The following ARB2A variants were observed in gnomAD, a reference collection of about 807,000 sequenced individuals.
The protein encoded by ARB2A is cotranscriptional regulator ARB2A.
the ARB2A span, among the ~76,000 whole-genome samples, chr5:93,680,222 T>C: frequency 1.3e-5 from 2 of 152,118 alleles, no homozygotes; most frequent in Non-Finnish European, 2.9e-5. Flanking sequence ...TAAGTATAAA[T>C]ATAAAGAAGT....
At chr5:93,718,661 A>G in the ARB2A span, among the ~76,000 whole-genome samples, 2 of 152,338 alleles carry the variant, frequency 1.3e-5, no homozygotes, top group South Asian at 4.1e-4. Context: ...TGAAAGACTT[A>G]TCACTTCTGA....
the ARB2A span, among the ~76,000 whole-genome samples, chr5:93,810,935 A>G: frequency 6.6e-6 from 1 of 152,078 alleles, no homozygotes; most frequent in Non-Finnish European, 1.5e-5. Context: ...CTCATATGTA[A>G]ACTGAGGATA....
At chr5:94,012,218 C>A in the ARB2A span, among the ~76,000 whole-genome samples, 10 of 152,262 alleles carry the variant, frequency 6.6e-5, no homozygotes, top group Admixed American at 2.0e-4. Context: ...CTGGCTAACA[C>A]GGTGAAACCC....
the ARB2A span, chr5:93,865,487 A>G: frequency 1.0e-6 from 1 of 985,248 alleles, no homozygotes; most frequent in Non-Finnish European, 1.2e-6. Context: ...AGGTATACTA[A>G]GACAATGTAA....
chr5:93,705,879 T>C, the ARB2A span, among the ~76,000 whole-genome samples: 1 of 152,114 alleles, frequency 6.6e-6, no homozygotes, highest in African/African-American at 2.4e-5. Flanking sequence ...TGCTAAATTT[T>C]TAAATGGGGG....
chr5:94,104,230 G>C, the ARB2A span, among the ~76,000 whole-genome samples: 1 of 150,746 alleles, frequency 6.6e-6, no homozygotes, highest in Non-Finnish European at 1.5e-5. Flanking sequence ...TTCTCTGAAA[G>C]AATAAATAAG....
the ARB2A span, among the ~76,000 whole-genome samples, chr5:93,970,333 G>T: frequency 3.3e-5 from 5 of 152,050 alleles, no homozygotes; most frequent in East Asian, 9.7e-4. Context: ...AACTCTAAAA[G>T]ATTTAAATAT....
At chr5:93,813,054 A>G in the ARB2A span, among the ~76,000 whole-genome samples, 1 of 152,174 alleles carries the variant, frequency 6.6e-6, no homozygotes, top group African/African-American at 2.4e-5. Context: ...AAGGCCCTCA[A>G]TGAATCCCAA....
At chr5:93,787,965 G>T in the ARB2A span, among the ~76,000 whole-genome samples, 1 of 152,130 alleles carries the variant, frequency 6.6e-6, no homozygotes, top group South Asian at 2.1e-4. Flanking sequence ...ACAAAAAAAT[G>T]TGGCCCTGTT....
the ARB2A span, among the ~76,000 whole-genome samples, chr5:94,049,057 A>G: frequency 6.6e-6 from 1 of 152,238 alleles, no homozygotes; most frequent in African/African-American, 2.4e-5. Flanking sequence ...AAAAAGGAAT[A>G]CAGAAATTTC....
chr5:94,061,481 A>C, the ARB2A span, among the ~76,000 whole-genome samples: 1 of 152,186 alleles, frequency 6.6e-6, no homozygotes, highest in Non-Finnish European at 1.5e-5. Context: ...AGAAAAATAA[A>C]AGGCACATAG....
chr5:93,824,908 A>G, the ARB2A span, among the ~76,000 whole-genome samples: 1 of 152,262 alleles, frequency 6.6e-6, no homozygotes, highest in Non-Finnish European at 1.5e-5. Flanking sequence ...CTAGAAAGTC[A>G]GTAAGCAAAA....
the ARB2A span, among the ~76,000 whole-genome samples, chr5:93,687,287 T>C: frequency 6.6e-6 from 1 of 152,194 alleles, no homozygotes; most frequent in Non-Finnish European, 1.5e-5. Context: ...AAGACATAAA[T>C]GTAAACTTGT....
chr5:94,055,716 T>G, the ARB2A span: 2 of 985,464 alleles, frequency 2.0e-6, no homozygotes, highest in Non-Finnish European at 2.4e-6. Context: ...AAAAATTGAC[T>G]TGCAGTAGCC....
At chr5:93,782,035 A>C in the ARB2A span, 1 of 505,966 alleles carries the variant, frequency 2.0e-6, no homozygotes, top group Non-Finnish European at 2.6e-6. Context: ...TTATCTTGCC[A>C]ACCCACACTG....
the ARB2A span, among the ~76,000 whole-genome samples, chr5:93,658,162 A>T: frequency 1.3e-5 from 2 of 152,228 alleles, no homozygotes; most frequent in Non-Finnish European, 2.9e-5. Flanking sequence ...TCAAAACACA[A>T]GACATGGTCA....
chr5:94,075,757 T>G, the ARB2A span, among the ~76,000 whole-genome samples: 1 of 152,136 alleles, frequency 6.6e-6, no homozygotes. Flanking sequence ...CAGCAGAATG[T>G]AACAGAAAAT....
the ARB2A span, among the ~76,000 whole-genome samples, chr5:93,856,213 C>G: frequency 6.6e-6 from 1 of 152,158 alleles, no homozygotes; most frequent in Non-Finnish European, 1.5e-5. Flanking sequence ...TCTGGCTGCC[C>G]TTAACATTAT....
the ARB2A span, among the ~76,000 whole-genome samples, chr5:93,794,730 C>T: frequency 6.6e-6 from 1 of 151,594 alleles, no homozygotes. Flanking sequence ...CTGGTTGGTA[C>T]TGGGAGTGTC....
Sources: gnomAD v4.1 joint callset for allele counts (sites outside exome capture counted in the v4.1 genomes callset) on GRCh38, gnomAD v4.1.1 for gene constraint, MANE v1.5 for transcripts, NCBI Gene and HGNC (gene_info 2026-07-23, HGNC 2026-07-21) for gene names.